Variants in NKAIN2 observed in about 807,000 individuals in gnomAD.
NKAIN2 encodes sodium/potassium-transporting ATPase subunit beta-1-interacting protein 2.
NKAIN2 carries 14 observed loss-of-function variants against 32.6 expected under a neutral mutation model. That is an observed-to-expected ratio of 0.43 (90% confidence interval 0.28 to 0.67). The LOEUF (loss-of-function observed/expected upper bound fraction) is 0.67, where lower values mean the gene tolerates loss of function less well. NKAIN2 is among the 30% of genes least tolerant of loss of function. NKAIN2 has a pLI of 0.17. For synonymous variants in NKAIN2, 80 were observed against 87.2 expected (o/e 0.92, Z 0.46); for missense variants, 198 against 258.3 (o/e 0.77, Z 1.60).
intron 1 of NKAIN2, among the ~76,000 whole-genome samples, chr6:123,929,269 T>A (rs951758654): frequency 6.6e-6 from 1 of 152,150 alleles, no homozygotes; most frequent in Non-Finnish European, 1.5e-5. Context: ...AAAAAGGATC[T>A]AGAACAGGTC....
chr6:124,610,449 A>G (rs1216853608), intron 3 of NKAIN2, among the ~76,000 whole-genome samples: 2 of 152,294 alleles, frequency 1.3e-5, no homozygotes, highest in African/African-American at 4.8e-5. Context: ...TTTTGACTTA[A>G]TATTTGTCAT....
intron 3 of NKAIN2, among the ~76,000 whole-genome samples, chr6:124,398,159 A>C (rs1773470239): frequency 6.8e-6 from 1 of 147,582 alleles, no homozygotes; most frequent in African/African-American, 2.5e-5. Context: ...AGGCTGAGGC[A>C]GGAGAATGGC....
chr6:124,349,383 T>A (rs1266640127), intron 2 of NKAIN2, among the ~76,000 whole-genome samples: 1 of 152,074 alleles, frequency 6.6e-6, no homozygotes, highest in Non-Finnish European at 1.5e-5. Flanking sequence ...CCCTTTTTAC[T>A]TGGCTGCCTC....
At chr6:123,894,141 GT>G (rs890312940) in intron 1 of NKAIN2, among the ~76,000 whole-genome samples, 1 of 151,670 alleles carries the variant, frequency 6.6e-6, no homozygotes, top group Non-Finnish European at 1.5e-5. Context: ...ATTTTTTTCA[GT>G]TTTTTTATGT....
At chr6:124,071,144 C>G (rs1783444563) in intron 1 of NKAIN2, among the ~76,000 whole-genome samples, 2 of 152,004 alleles carry the variant, frequency 1.3e-5, no homozygotes, top group South Asian at 4.1e-4. Context: ...AAGAGAGAAC[C>G]CAGTAATAAA....
rs369498984 is a variant in NKAIN2 at position 124,735,859 on chromosome 6, C to T, written c.475-55480C>T. 2.6e-5 allele frequency among the ~76,000 whole-genome samples: 4 copies of T among 151,910 alleles called. 1 individual carries two copies. The highest frequency in any genetic ancestry group is 3.9e-4 in the East Asian group (2 of 5,148). ...TTCCCCCATCTCTCTCCCTTTCTTCCAGCCTCCCTATTCTTTCATACACAA... is the reference window on the plus strand; with the variant it reads ...TTCCCCCATCTCTCTCCCTTTCTTCTAGCCTCCCTATTCTTTCATACACAA... On this transcript the variant is annotated intron_variant, in intron 4 of 6. Transcript: ENST00000368417.
intron 5 of NKAIN2, among the ~76,000 whole-genome samples, chr6:124,815,225 C>CACATATATATAT (rs376199421): frequency 2.9e-5 from 4 of 136,998 alleles, no homozygotes; most frequent in Non-Finnish European, 4.7e-5. Context: ...TATATATATA[C>CACATATATATAT]ATATATATAT....
chr6:124,022,830 C>T (rs1344449413), intron 1 of NKAIN2, among the ~76,000 whole-genome samples: 1 of 152,014 alleles, frequency 6.6e-6, no homozygotes, highest in Non-Finnish European at 1.5e-5. Context: ...AGTGTGACTG[C>T]TTTGCATGAA....
intron 1 of NKAIN2, among the ~76,000 whole-genome samples, chr6:124,099,369 T>G (rs1784781268): frequency 1.3e-5 from 2 of 152,206 alleles, no homozygotes; most frequent in African/African-American, 4.8e-5. Context: ...AAATGTAATT[T>G]GAATTTAGGT....
At chr6:124,080,301 G>A (rs1227023612) in intron 1 of NKAIN2, among the ~76,000 whole-genome samples, 1 of 152,106 alleles carries the variant, frequency 6.6e-6, no homozygotes, top group Non-Finnish European at 1.5e-5. Context: ...AGGCTGTCTT[G>A]TTCCTAGAAG....
intron 1 of NKAIN2, among the ~76,000 whole-genome samples, chr6:124,106,490 G>A (rs1785127056): frequency 1.3e-5 from 2 of 152,116 alleles, no homozygotes; most frequent in African/African-American, 4.8e-5. Flanking sequence ...TGCAGCAATC[G>A]ATAAATGCTT....
chr6:124,206,303 G>A (rs1790880085), intron 1 of NKAIN2, among the ~76,000 whole-genome samples: 1 of 151,632 alleles, frequency 6.6e-6, no homozygotes. Flanking sequence ...TCACTGTTGT[G>A]AAGAACAAAA....
chr6:124,205,768 C>A (rs1225160986), intron 1 of NKAIN2, among the ~76,000 whole-genome samples: 2 of 151,822 alleles, frequency 1.3e-5, no homozygotes, highest in Non-Finnish European at 2.9e-5. Context: ...TATCTTAGGG[C>A]TGAAATTTGT....
chr6:124,771,945 T>C (rs947311004), intron 4 of NKAIN2, among the ~76,000 whole-genome samples: 4 of 152,094 alleles, frequency 2.6e-5, no homozygotes, highest in Non-Finnish European at 5.9e-5. Context: ...ATGAATACTA[T>C]AAGTAGCTCA....
intron 1 of NKAIN2, among the ~76,000 whole-genome samples, chr6:123,851,741 G>T (rs114961508): frequency 1.3e-5 from 2 of 152,042 alleles, no homozygotes; most frequent in African/African-American, 4.8e-5. Flanking sequence ...CCATTTGTAC[G>T]TCATCTTTTG....
chr6:124,798,465 A>G (rs904731256), intron 5 of NKAIN2, among the ~76,000 whole-genome samples: 1 of 151,942 alleles, frequency 6.6e-6, no homozygotes, highest in African/African-American at 2.4e-5. Flanking sequence ...AAAACTTGGT[A>G]TTTATTTTGT....
At chr6:123,822,273 C>T (rs995018316) in intron 1 of NKAIN2, among the ~76,000 whole-genome samples, 1 of 151,702 alleles carries the variant, frequency 6.6e-6, no homozygotes, top group Admixed American at 6.6e-5. Context: ...CTTCTCTTTG[C>T]ATTTCCTAAC....
intron 4 of NKAIN2, among the ~76,000 whole-genome samples, chr6:124,739,264 T>G (rs888694818): frequency 2.6e-5 from 4 of 151,896 alleles, no homozygotes; most frequent in Non-Finnish European, 4.4e-5. Context: ...TCATTAGCTC[T>G]CATAGACCAT....
intron 3 of NKAIN2, among the ~76,000 whole-genome samples, chr6:124,429,771 G>A (rs1775133639): frequency 6.6e-6 from 1 of 152,146 alleles, no homozygotes; most frequent in Non-Finnish European, 1.5e-5. Flanking sequence ...GGTTTACTGT[G>A]CTGGTCTCTA....
Sources: allele counts gnomAD v4.1 joint callset (sites outside exome capture counted in the v4.1 genomes callset), GRCh38; gene constraint gnomAD v4.1.1; transcripts MANE v1.5; gene names NCBI Gene and HGNC (gene_info 2026-07-23, HGNC 2026-07-21).